The following GRM8 variants were observed in gnomAD, a reference collection of about 807,000 sequenced individuals.
GRM8 encodes glutamate metabotropic receptor 8.
Under a neutral mutation model 87.2 loss-of-function variants are expected in GRM8, and 47 were observed. That is an observed-to-expected ratio of 0.54 (90% CI 0.43 to 0.69). GRM8 has a LOEUF of 0.69. Ranked by LOEUF, GRM8 falls within the 30% of genes least tolerant of loss-of-function variation. GRM8 has a pLI of 0.00. For synonymous variants in GRM8, 396 were observed against 404.5 expected (o/e 0.98, Z 0.25); for missense variants, 1,019 against 1,139.2 (o/e 0.89, Z 1.52).
chr7:126,937,958 G>C (rs144202843), intron 3 of GRM8, among the ~76,000 whole-genome samples: 52 of 152,160 alleles, frequency 3.4e-4, no homozygotes, highest in African/African-American at 1.2e-3. Flanking sequence ...AGGGAGACAA[G>C]CTGTGAACAG....
chr7:127,149,147 TTGGGAAAAAAAATAC>T (rs1828711506), intron 2 of GRM8, among the ~76,000 whole-genome samples: 1 of 151,772 alleles, frequency 6.6e-6, no homozygotes, highest in South Asian at 2.1e-4. Context: ...AGCCTATAGA[TTGGGAAAAAAAATAC>T]TGCAAACTAT....
intron 3 of GRM8, among the ~76,000 whole-genome samples, chr7:127,082,724 T>C (rs754171190): frequency 1.6e-4 from 25 of 152,244 alleles, no homozygotes; most frequent in Non-Finnish European, 2.2e-4. Flanking sequence ...CAAACATTTC[T>C]TAAAAGCTTA....
intron 6 of GRM8, among the ~76,000 whole-genome samples, chr7:126,897,827 C>T (rs1428286391): frequency 1.3e-5 from 2 of 152,134 alleles, no homozygotes; most frequent in African/African-American, 4.8e-5. Context: ...AGTAATATCA[C>T]ATCTTTTTGA....
chr7:126,456,620 T>C (rs1362692131), intron 9 of GRM8, among the ~76,000 whole-genome samples: 1 of 138,668 alleles, frequency 7.2e-6, no homozygotes, highest in Non-Finnish European at 1.6e-5. Context: ...ACTCATAAAA[T>C]ATCAGACATT....
intron 8 of GRM8, among the ~76,000 whole-genome samples, chr7:126,546,319 G>T (rs1817152394): frequency 6.6e-6 from 1 of 152,130 alleles, no homozygotes; most frequent in African/African-American, 2.4e-5. Flanking sequence ...TTCGAGTCCA[G>T]GGTGACTACT....
intron 9 of GRM8, among the ~76,000 whole-genome samples, chr7:126,456,314 A>G (rs891371419): frequency 2.0e-5 from 3 of 151,366 alleles, no homozygotes; most frequent in African/African-American, 7.3e-5. Flanking sequence ...TACTGATTCT[A>G]CATAGGAAAG....
Position 127,222,549 on chromosome 7 carries a change from T to C in GRM8, c.510+20146A>G, listed in dbSNP as rs908337275. 3.3e-5 allele frequency among the ~76,000 whole-genome samples: 5 copies of C among 150,908 alleles called. No individual in the cohort carries two copies. In the East Asian group the frequency reaches 5.8e-4, roughly 17 times the overall value. On this transcript the variant is annotated intron_variant, in intron 2 of 10. Coordinates refer to ENST00000339582, the MANE Select transcript of GRM8 (RefSeq NM_000845.3). ...ATTAAAAAGGTTTGTCACTCTGGAG[T>C]AATTATTTAACTATGACTTGTTTAC... is the stretch of plus-strand genomic sequence containing the variant.
chr7:126,824,875 A>T (rs1466581793), intron 6 of GRM8, among the ~76,000 whole-genome samples: 1 of 152,190 alleles, frequency 6.6e-6, no homozygotes, highest in Non-Finnish European at 1.5e-5. Context: ...TATGTGGTAA[A>T]ATTAAAGAAG....
intron 2 of GRM8, among the ~76,000 whole-genome samples, chr7:127,202,999 A>G (rs1436545033): frequency 6.6e-6 from 1 of 152,192 alleles, no homozygotes; most frequent in Non-Finnish European, 1.5e-5. Flanking sequence ...TTTAATTAGA[A>G]GACAGACCTA....
At chr7:127,063,704 C>G (rs1820840790) in intron 3 of GRM8, among the ~76,000 whole-genome samples, 1 of 152,158 alleles carries the variant, frequency 6.6e-6, no homozygotes, top group Admixed American at 6.6e-5. Flanking sequence ...TATTCTTTCT[C>G]TAATTCTTGC....
intron 7 of GRM8, among the ~76,000 whole-genome samples, chr7:126,729,181 C>G (rs537490288): frequency 6.6e-6 from 1 of 152,268 alleles, no homozygotes; most frequent in Admixed American, 6.5e-5. Context: ...CACGTGGCAC[C>G]AATTGTAGCC....
chr7:126,786,623 G>A (rs1454809358), intron 6 of GRM8, among the ~76,000 whole-genome samples: 3 of 152,044 alleles, frequency 2.0e-5, no homozygotes, highest in Non-Finnish European at 4.4e-5. Context: ...GTAGATTTAT[G>A]TCCTACCTGT....
At chr7:127,231,836 C>T (rs1047125575) in intron 2 of GRM8, among the ~76,000 whole-genome samples, 13 of 151,442 alleles carry the variant, frequency 8.6e-5, no homozygotes, top group Admixed American at 2.0e-4. Flanking sequence ...AAACCTGTGG[C>T]CTCTGTAAGC....
At chr7:126,669,290 A>C (rs1806131430) in intron 7 of GRM8, among the ~76,000 whole-genome samples, 1 of 152,184 alleles carries the variant, frequency 6.6e-6, no homozygotes, top group African/African-American at 2.4e-5. Flanking sequence ...CCTATGTAAC[A>C]AACCTACACA....
intron 9 of GRM8, among the ~76,000 whole-genome samples, chr7:126,472,029 A>G (rs571013850): frequency 3.5e-4 from 54 of 152,268 alleles, no homozygotes; most frequent in African/African-American, 1.3e-3. Flanking sequence ...ATTTTTGCAC[A>G]TTGATTTTGT....
chr7:127,176,765 G>A (rs1587203602), intron 2 of GRM8, among the ~76,000 whole-genome samples: 2 of 152,296 alleles, frequency 1.3e-5, no homozygotes, highest in East Asian at 1.9e-4. Context: ...TCTGTTTGTG[G>A]GAGAAGTTTC....
At chr7:126,548,078 C>A (rs1429691956) in intron 8 of GRM8, among the ~76,000 whole-genome samples, 1 of 151,982 alleles carries the variant, frequency 6.6e-6, no homozygotes, top group Admixed American at 6.6e-5. Context: ...GCTGTGCTGT[C>A]CACCTAGACA....
intron 7 of GRM8, among the ~76,000 whole-genome samples, chr7:126,644,327 G>C (rs1381128872): frequency 6.6e-6 from 1 of 152,122 alleles, no homozygotes; most frequent in Non-Finnish European, 1.5e-5. Context: ...GTTTTTGAAA[G>C]GAATGTAGAC....
chr7:127,155,297 A>T (rs2116150978), intron 2 of GRM8, among the ~76,000 whole-genome samples: 1 of 152,306 alleles, frequency 6.6e-6, no homozygotes, highest in African/African-American at 2.4e-5. Context: ...AACTCAGCAC[A>T]GCATTTCTGG....
Sources: gnomAD v4.1 joint callset for allele counts (sites outside exome capture counted in the v4.1 genomes callset) on GRCh38, gnomAD v4.1.1 for gene constraint, MANE v1.5 for transcripts, NCBI Gene and HGNC (gene_info 2026-07-23, HGNC 2026-07-21) for gene names.